Variants in NR4A1 observed in about 807,000 individuals in gnomAD.
The protein encoded by NR4A1 is nuclear receptor subfamily 4immunitygroup A member 1.
Under a neutral mutation model 47.5 loss-of-function variants are expected in NR4A1, and 24 were observed. The observed-to-expected ratio is 0.50, with a 90% CI of 0.37 to 0.71. NR4A1 has a LOEUF of 0.71. Ranked by LOEUF, NR4A1 falls within the 30% of genes least tolerant of loss-of-function variation. The pLI is 0.00. For synonymous variants in NR4A1, 353 were observed against 345.7 expected (o/e 1.02, Z -0.24); for missense variants, 669 against 788.6 (o/e 0.85, Z 1.82).
At chr12:52,043,643 G>A in intron 2 of NR4A1, 1 of 1,180,784 alleles carries the variant, frequency 8.5e-7, no homozygotes, top group South Asian at 1.5e-5. Flanking sequence ...AGGGCCCAAA[G>A]TGGCTCCCCC....
At chr12:52,030,428 T>G (rs1243221559) in intron 1 of NR4A1, among the ~76,000 whole-genome samples, 1 of 152,198 alleles carries the variant, frequency 6.6e-6, no homozygotes, top group East Asian at 1.9e-4. Flanking sequence ...TATTTATTTT[T>G]TATTTTGTAT....
intron 1 of NR4A1, chr12:52,037,643 C>T: frequency 2.0e-6 from 2 of 985,508 alleles, no homozygotes; most frequent in Non-Finnish European, 1.2e-6. Flanking sequence ...GCTTTCTCTC[C>T]CCAGTCCGCC....
rs550919573 is a variant in NR4A1, at chr12:52,056,956, C to G, written c.1159-101C>G. 3 of 1,142,658 alleles carry G rather than the reference C, an allele frequency of 2.6e-6. No homozygotes were observed. In the South Asian group the frequency reaches 4.6e-5, roughly 18 times the overall value. The allele number at this position is 1,142,658 out of a possible 1,614,324, so 70.8% of individuals were successfully genotyped here. A position where few individuals can be genotyped will look rare whatever the true frequency, so the allele number is the denominator to read the frequency against. On this transcript the variant is annotated intron_variant, in intron 4 of 6. Transcript: ENST00000394825. ...CCTGGGCAGGATCTCAGATCCACTC[C>G]CACTCCCGGGATCTGGCATCCAAGT...
chr12:52,039,208 A>G, intron 1 of NR4A1, among the ~76,000 whole-genome samples: 1 of 152,250 alleles, frequency 6.6e-6, no homozygotes, highest in East Asian at 1.9e-4. Flanking sequence ...TATCTGGCAC[A>G]TGTTGTTTAA....
At chr12:52,056,205 T>C in intron 3 of NR4A1, 46 bp downstream of exon 3, 1 of 1,543,780 alleles carries the variant, frequency 6.5e-7, no homozygotes, top group African/African-American at 1.4e-5. Context: ...TAGGCTTGAG[T>C]GGAGTGGGAC....
chr12:52,039,310 G>A (rs1255381939), intron 1 of NR4A1, among the ~76,000 whole-genome samples: 1 of 152,150 alleles, frequency 6.6e-6, no homozygotes, highest in Non-Finnish European at 1.5e-5. Context: ...TACTCAGGAG[G>A]CCACCAGGAC....
In NR4A1 at chr12:52,056,523, C is replaced by T. The variant is rs763639989; in HGVS notation, c.1036C>T (p.Arg346Trp). The T allele has an allele frequency of 3.7e-6, 6 of 1,613,182 alleles. No homozygotes were observed. Among genetic ancestry groups the T allele is most frequent in the South Asian group, 1.1e-5 (1 of 91,008 alleles). Reference protein sequence around the residue: ...VVRTDSLKGRRGRLPSKPKQP... With the variant: ...VVRTDSLKGRWGRLPSKPKQP... ...CCGAACAGACAGCCTGAAGGGGCGG[C>T]GGGGCCGGCTACCTTCAAAACCCAA... Residue 346 changes from arginine to tryptophan, a missense_variant, in exon 4 of 7, where the codon CGG becomes TGG. Coordinates refer to ENST00000394825, the MANE Select transcript of NR4A1 (RefSeq NM_173157.3).
At position 52,057,467 on chromosome 12, in the gene NR4A1, C is replaced by A; in HGVS notation, c.1477C>A (p.Leu493Met). Residue 493 changes from leucine (L) to methionine (M), a missense_variant, in exon 6 of 7, where the codon CTG (leucine) becomes ATG (methionine). Leu to Met is a conservative substitution (Grantham distance 15). Coordinates refer to ENST00000394825, the MANE Select transcript of NR4A1 (RefSeq NM_173157.3). The stretch of plus-strand genomic sequence containing the variant: ...CAGTATCCTGGCCTTCTCAAGGTCC[C>A]TGCACAGCTTGCTTGTCGATGTCCC... ...IDSILAFSRS[L>M]HSLLVDVPAF... is the part of the protein sequence containing the mutation. 2 of 1,614,244 alleles carry A rather than the reference C, an allele frequency of 1.2e-6. No individual in the cohort carries two copies. Among genetic ancestry groups the A allele is most frequent in the Non-Finnish European group, 1.7e-6 (2 of 1,180,042 alleles).
intron 1 of NR4A1, chr12:52,038,009 G>T (rs1246654322): frequency 1.0e-6 from 1 of 985,546 alleles, no homozygotes; most frequent in Non-Finnish European, 1.2e-6. Context: ...TGGTGGTCTG[G>T]CTGTGTGGAG....
intron 1 of NR4A1, among the ~76,000 whole-genome samples, chr12:52,040,821 T>A (rs574437319): frequency 6.6e-6 from 1 of 152,244 alleles, no homozygotes; most frequent in African/African-American, 2.4e-5. Context: ...TCTCCTTCTC[T>A]TTTCCCAGAC....
upstream of NR4A1, among the ~76,000 whole-genome samples, chr12:52,048,080 G>C (rs987139682): frequency 6.6e-6 from 1 of 151,546 alleles, no homozygotes; most frequent in African/African-American, 2.4e-5. Flanking sequence ...CATGAACCTG[G>C]GAGGCGGAGC....
At chr12:52,037,851 T>G (rs1938296307) in intron 1 of NR4A1, 7 of 984,100 alleles carry the variant, frequency 7.1e-6, no homozygotes, top group Non-Finnish European at 8.4e-6. Context: ...GGGGGTCTCG[T>G]GGAGTCAGGC....
chr12:52,048,753 C>G (rs1938780078), upstream of NR4A1, among the ~76,000 whole-genome samples: 1 of 152,148 alleles, frequency 6.6e-6, no homozygotes, highest in Admixed American at 6.5e-5. Context: ...CAAAGTGTAG[C>G]TCCTCTTGGA....
In NR4A1 at chr12:52,051,506, G is replaced by T. The variant is rs1938940124; in HGVS notation, c.-65G>T. On this transcript the variant is annotated 5_prime_UTR_variant, in exon 1 of 7. Transcript: ENST00000394825. Reference sequence around the variant, plus strand: ...CAGAAGAACTTCGGGAGCGCACGCGGGACCAGGGACCAGGCTGAGACTCGG... The same window carrying T: ...CAGAAGAACTTCGGGAGCGCACGCGTGACCAGGGACCAGGCTGAGACTCGG... 2 of 985,614 alleles carry T rather than the reference G, an allele frequency of 2.0e-6. No individual in the cohort carries two copies. The highest frequency in any genetic ancestry group is 6.1e-5 in the Admixed American group (1 of 16,276). The allele number at this position is 985,614 out of a possible 1,614,324, so 61.1% of individuals were successfully genotyped here. A position where few individuals can be genotyped will look rare whatever the true frequency, so the allele number is the denominator to read the frequency against.
intron 1 of NR4A1, among the ~76,000 whole-genome samples, chr12:52,031,237 G>C (rs907798484): frequency 2.6e-5 from 4 of 151,252 alleles, no homozygotes; most frequent in African/African-American, 9.7e-5. Flanking sequence ...CGTTGCCCAG[G>C]CTGGTCTCAA....
upstream of NR4A1, among the ~76,000 whole-genome samples, chr12:52,049,507 G>C (rs948998812): frequency 1.3e-5 from 2 of 152,164 alleles, no homozygotes; most frequent in Non-Finnish European, 2.9e-5. Context: ...TAGGAAAGCG[G>C]GAGAGGCTGA....
At position 52,057,343 on chromosome 12, in the gene NR4A1, G is replaced by A. The variant is rs745331168; in HGVS notation, c.1362-9G>A. ...CCCTGATCGCTCTTCGTGCCCATCT[G>A]CCTGCCAGGTCTAAGCCAGGCGAGG... On this transcript the variant is annotated splice_polypyrimidine_tract_variant and intron_variant, in intron 5 of 6. Transcript: ENST00000394825. 14 of 1,614,114 alleles carry A rather than the reference G, an allele frequency of 8.7e-6. No homozygotes were observed. In the East Asian group the frequency reaches 2.9e-4, roughly 33 times the overall value.
At chr12:52,043,998 C>A in intron 2 of NR4A1, 1 of 1,192,418 alleles carries the variant, frequency 8.4e-7, no homozygotes. Context: ...AACCCTTTGG[C>A]CTTGGGCTGC....
intron 1 of NR4A1, among the ~76,000 whole-genome samples, chr12:52,026,154 C>T (rs1373785000): frequency 1.3e-5 from 2 of 152,240 alleles, no homozygotes; most frequent in African/African-American, 2.4e-5. Flanking sequence ...CTGCACTGCT[C>T]GCTCACGCGT....
Sources: gnomAD v4.1 joint callset for allele counts (sites outside exome capture counted in the v4.1 genomes callset) on GRCh38, gnomAD v4.1.1 for gene constraint, MANE v1.5 for transcripts, NCBI Gene and HGNC (gene_info 2026-07-23, HGNC 2026-07-21) for gene names.